SHISAL1: variants seen among roughly 807,000 people sequenced by gnomAD.
SHISAL1 encodes the protein shisa like 1, also known as protein shisa-like-1.
SHISAL1 carries 9 observed loss-of-function variants against 22.6 expected under a neutral mutation model. The ratio of observed to expected loss-of-function variants is 0.40; its 90% CI spans 0.24 to 0.70. The LOEUF (loss-of-function observed/expected upper bound fraction) is 0.70. SHISAL1 is among the 30% of genes least tolerant of loss of function. The pLI, the probability that SHISAL1 is intolerant of heterozygous loss-of-function variation, is 0.39. For missense variants in SHISAL1, 246 were observed against 270.6 expected, an observed-to-expected ratio of 0.91 and a Z score of 0.64; for synonymous variants, 119 against 115.4, an observed-to-expected ratio of 1.03 and a Z score of -0.20.
upstream of SHISAL1, among the ~76,000 whole-genome samples, chr22:44,314,954 T>C (rs1240321377): frequency 1.3e-5 from 2 of 152,208 alleles, no homozygotes; most frequent in Non-Finnish European, 2.9e-5. Flanking sequence ...GTACGCTTTC[T>C]AGAAGGCTAA....
intron 4 of SHISAL1, among the ~76,000 whole-genome samples, chr22:44,269,386 CACA>C (rs2055189458): frequency 6.6e-6 from 1 of 151,168 alleles, no homozygotes; most frequent in Non-Finnish European, 1.5e-5. Flanking sequence ...CACACCATGA[CACA>C]CAGACACCCA....
intron 4 of SHISAL1, among the ~76,000 whole-genome samples, chr22:44,251,312 G>GA (rs1282861468): frequency 2.0e-5 from 3 of 152,196 alleles, no homozygotes; most frequent in Non-Finnish European, 4.4e-5. Flanking sequence ...CATCTGTCAA[G>GA]AATAAAGTCA....
At chr22:44,255,545 T>A (rs1164879214) in intron 4 of SHISAL1, among the ~76,000 whole-genome samples, 1 of 152,164 alleles carries the variant, frequency 6.6e-6, no homozygotes, top group East Asian at 1.9e-4. Context: ...AGAATCTCAA[T>A]AAGCCTTACA....
chr22:44,311,332 C>T (rs1383567165), intron 1 of SHISAL1, among the ~76,000 whole-genome samples: 2 of 152,182 alleles, frequency 1.3e-5, no homozygotes, highest in Non-Finnish European at 2.9e-5. Flanking sequence ...TGGGAAGGCA[C>T]GCAGGTGACC....
At position 44,249,650 on chromosome 22, in the gene SHISAL1, C is replaced by T; in HGVS notation, c.*35G>A. On this transcript the variant is annotated 3_prime_UTR_variant, in exon 5 of 5. Transcript: ENST00000381176. ...AGGCTGCACCGGGTGCTTCAGATCT[C>T]ATCTCCCCCATCCTGAGGCACAGCA... The T allele has an allele frequency of 1.3e-6, 1 of 779,972 alleles. No homozygotes were observed. 48.3% of individuals were successfully genotyped at this position (779,972 alleles called of 1,614,324 possible).
chr22:44,259,888 C>A (rs2055110005), intron 4 of SHISAL1, among the ~76,000 whole-genome samples: 1 of 152,182 alleles, frequency 6.6e-6, no homozygotes, highest in Admixed American at 6.5e-5. Flanking sequence ...ACGTTTACCT[C>A]CTCTCCACCA....
intron 3 of SHISAL1, among the ~76,000 whole-genome samples, chr22:44,289,537 T>C (rs572092030): frequency 4.0e-5 from 6 of 151,248 alleles, no homozygotes. Context: ...CTTGCTGCAA[T>C]TGACACATGA....
At chr22:44,309,769 C>T (rs891671889) in intron 1 of SHISAL1, among the ~76,000 whole-genome samples, 8 of 152,224 alleles carry the variant, frequency 5.3e-5, no homozygotes, top group African/African-American at 1.9e-4. Flanking sequence ...GGCCTTTCCT[C>T]GGCAGTGCAG....
chr22:44,287,780 G>C (rs1443100360), intron 3 of SHISAL1, among the ~76,000 whole-genome samples: 2 of 152,170 alleles, frequency 1.3e-5, no homozygotes, highest in Non-Finnish European at 2.9e-5. Flanking sequence ...CCCCGGGGTA[G>C]ATGTCCATGT....
At chr22:44,281,799 G>A (rs2055278572) in intron 4 of SHISAL1, among the ~76,000 whole-genome samples, 1 of 152,186 alleles carries the variant, frequency 6.6e-6, no homozygotes, top group African/African-American at 2.4e-5. Context: ...TAAGCGGAGG[G>A]AAAGCCCCGC....
At chr22:44,259,162 G>A (rs2055105044) in intron 4 of SHISAL1, among the ~76,000 whole-genome samples, 1 of 152,222 alleles carries the variant, frequency 6.6e-6, no homozygotes, top group African/African-American at 2.4e-5. Context: ...GCCAGAAGCG[G>A]GCCAGGTGCG....
At chr22:44,274,291 G>C (rs2055224790) in intron 4 of SHISAL1, among the ~76,000 whole-genome samples, 1 of 152,106 alleles carries the variant, frequency 6.6e-6, no homozygotes, top group Non-Finnish European at 1.5e-5. Flanking sequence ...CCCCATGCTG[G>C]AGAGGGTGCC....
chr22:44,279,959 T>C (rs886656209), intron 4 of SHISAL1, among the ~76,000 whole-genome samples: 1 of 152,152 alleles, frequency 6.6e-6, no homozygotes, highest in Non-Finnish European at 1.5e-5. Context: ...GATGTACACA[T>C]GATCGATCCC....
Position 44,247,961 on chromosome 22 carries a change from C to G in SHISAL1, c.*1724G>C, listed in dbSNP as rs2055017188. 6.6e-6 allele frequency: 1 copy of G among 152,100 alleles called. No homozygotes were observed. The highest frequency in any genetic ancestry group is 1.5e-5 in the Non-Finnish European group (1 of 68,066). 9.4% of individuals were successfully genotyped at this position (152,100 alleles called of 1,614,324 possible). On this transcript the variant is annotated 3_prime_UTR_variant, in exon 5 of 5. Transcript: ENST00000381176. The stretch of plus-strand genomic sequence containing the variant: ...CGCAGGATCTTTGCACTAGCCGTTC[C>G]TTCTGCCTGGAATGCTCTTTTCCTA...
intron 1 of SHISAL1, among the ~76,000 whole-genome samples, chr22:44,307,651 G>A (rs527724538): frequency 1.2e-4 from 18 of 152,272 alleles, no homozygotes; most frequent in African/African-American, 1.7e-4. Flanking sequence ...CCAGAATCAC[G>A]AGTCAGGCAT....
In SHISAL1 at chr22:44,245,964, C is replaced by T. The variant is rs1238097435; in HGVS notation, c.*3721G>A. Reference sequence around the variant, plus strand: ...AGACAGCAAGAGGGACCAGATCTACCTGTGAAATCACCTGTGTGTGTGCGC... The same window carrying T: ...AGACAGCAAGAGGGACCAGATCTACTTGTGAAATCACCTGTGTGTGTGCGC... On this transcript the variant is annotated 3_prime_UTR_variant, in exon 5 of 5. Coordinates refer to ENST00000381176, the MANE Select transcript of SHISAL1 (RefSeq NM_001099294.2). The T allele has an allele frequency of 6.6e-6, 1 of 152,282 alleles. No homozygotes were observed. Among genetic ancestry groups the T allele is most frequent in the Non-Finnish European group, 1.5e-5 (1 of 68,074 alleles). 9.4% of individuals were successfully genotyped at this position (152,282 alleles called of 1,614,324 possible).
At chr22:44,309,550 G>A (rs929458379) in intron 1 of SHISAL1, among the ~76,000 whole-genome samples, 1 of 151,982 alleles carries the variant, frequency 6.6e-6, no homozygotes, top group African/African-American at 2.4e-5. Context: ...CAGTCTCTCT[G>A]TTACACAGAT....
At chr22:44,278,580 G>A (rs569737015) in intron 4 of SHISAL1, among the ~76,000 whole-genome samples, 13 of 152,152 alleles carry the variant, frequency 8.5e-5, no homozygotes, top group East Asian at 7.7e-4. Context: ...CCCCAGGGGC[G>A]GCCTGTGTGC....
At chr22:44,286,615 G>A (rs1023492423) in intron 3 of SHISAL1, among the ~76,000 whole-genome samples, 5 of 152,116 alleles carry the variant, frequency 3.3e-5, no homozygotes, top group Non-Finnish European at 7.4e-5. Flanking sequence ...GAAGTCTTCC[G>A]GACACCCTGA....
Sources: allele counts gnomAD v4.1 joint callset (sites outside exome capture counted in the v4.1 genomes callset), GRCh38; gene constraint gnomAD v4.1.1; transcripts MANE v1.5; gene names NCBI Gene and HGNC (gene_info 2026-07-23, HGNC 2026-07-21).